The following SYNC variants were observed in gnomAD, a reference collection of about 807,000 sequenced individuals.
The protein encoded by SYNC is syncoilin.
SYNC carries 38 observed loss-of-function variants against 49.5 expected under a neutral mutation model. The observed-to-expected ratio is 0.77, with a 90% CI of 0.59 to 1.01. The LOEUF (loss-of-function observed/expected upper bound fraction) is 1.01. Ranked by LOEUF, SYNC falls within the 50% of genes least tolerant of loss-of-function variation. The pLI is 0.00. For missense variants in SYNC, 579 were observed against 580.6 expected, an observed-to-expected ratio of 1.00 and a Z score of 0.03; for synonymous variants, 201 against 230.8, an observed-to-expected ratio of 0.87 and a Z score of 1.17.
intron 1 of SYNC, among the ~76,000 whole-genome samples, chr1:32,698,247 G>A (rs1428028986): frequency 1.3e-5 from 2 of 150,070 alleles, no homozygotes; most frequent in Non-Finnish European, 3.0e-5. Context: ...TGCCGGGCGT[G>A]GTGGCTCACG....
intron 2 of SYNC, chr1:32,685,613 A>G (rs1191482228): frequency 6.6e-6 from 1 of 152,168 alleles, no homozygotes; most frequent in Non-Finnish European, 1.5e-5. Context: ...GCTTTCACCA[A>G]CATTGTCAAA....
intron 2 of SYNC, among the ~76,000 whole-genome samples, chr1:32,686,417 T>C (rs1649834636): frequency 6.6e-6 from 1 of 152,196 alleles, no homozygotes; most frequent in Non-Finnish European, 1.5e-5. Context: ...CCAGGACATG[T>C]CTGTCTACAG....
In SYNC at chr1:32,681,609, T is replaced by G; in HGVS notation, c.*241A>C. The G allele has an allele frequency of 1.2e-5, 7 of 604,284 alleles. No individual in the cohort carries two copies. Among genetic ancestry groups the G allele is most frequent in the Non-Finnish European group, 1.2e-5 (4 of 341,662 alleles). The allele number at this position is 604,284 out of a possible 1,614,324, so 37.4% of individuals were successfully genotyped here. A position where few individuals can be genotyped will look rare whatever the true frequency, so the allele number is the denominator to read the frequency against. On this transcript the variant is annotated 3_prime_UTR_variant, in exon 5 of 5. Coordinates refer to ENST00000409190, the MANE Select transcript of SYNC (RefSeq NM_030786.3). ...CTCATCTTTCCTTTCCTTGGTGCAT[T>G]GAGATCAGTATCAACAGCAGATGAA...
intron 2 of SYNC, chr1:32,684,594 A>C (rs1649689280): frequency 1.6e-6 from 1 of 625,616 alleles, no homozygotes; most frequent in African/African-American, 1.8e-5. Flanking sequence ...CGAAAAAGGC[A>C]TCTTGTCTGT....
At chr1:32,686,888 C>CA (rs1240338175) in intron 2 of SYNC, among the ~76,000 whole-genome samples, 2 of 152,202 alleles carry the variant, frequency 1.3e-5, no homozygotes, top group African/African-American at 2.4e-5. Flanking sequence ...TAGTGGTTCT[C>CA]AAACTTTTCT....
chr1:32,691,475 C>A, intron 2 of SYNC, among the ~76,000 whole-genome samples: 1 of 151,446 alleles, frequency 6.6e-6, no homozygotes, highest in East Asian at 1.9e-4. Context: ...ATTGCTTGAA[C>A]CTGGGAAGTG....
Position 32,681,687 on chromosome 1 carries a change from T to C in SYNC, c.*163A>G. 2.8e-6 allele frequency: 3 copies of C among 1,083,602 alleles called. No individual in the cohort carries two copies. Among genetic ancestry groups the C allele is most frequent in the Non-Finnish European group, 4.1e-6 (3 of 728,120 alleles). 67.1% of individuals were successfully genotyped at this position (1,083,602 alleles called of 1,614,324 possible). On this transcript the variant is annotated 3_prime_UTR_variant, in exon 5 of 5. Transcript: ENST00000409190. ...TCTGCCTCCGGCCAACTCTAGAATC[T>C]TTTTAAGCAGGTCAGCCAGTATTTG...
At chr1:32,690,335 T>C (rs1650099174) in intron 2 of SYNC, among the ~76,000 whole-genome samples, 3 of 152,174 alleles carry the variant, frequency 2.0e-5, no homozygotes, top group Non-Finnish European at 4.4e-5. Flanking sequence ...TTCTAATTAT[T>C]CTCCATTGCT....
chr1:32,696,072 G>A (rs1320692613), intron 1 of SYNC, 28 bp from the exon 2 acceptor site: 1 of 1,520,028 alleles, frequency 6.6e-7, no homozygotes, highest in Non-Finnish European at 8.8e-7. Flanking sequence ...GAAAGTGAAA[G>A]GGCAGCCACA....
At chr1:32,694,184 T>C (rs1443880146) in intron 2 of SYNC, among the ~76,000 whole-genome samples, 1 of 151,924 alleles carries the variant, frequency 6.6e-6, no homozygotes, top group Non-Finnish European at 1.5e-5. Flanking sequence ...GCCCTCAAGA[T>C]TGCACCTGTC....
chr1:32,703,555 G>T (rs1650748755), upstream of SYNC: 1 of 152,274 alleles, frequency 6.6e-6, no homozygotes, highest in Non-Finnish European at 1.5e-5. Context: ...CCAGACCTGG[G>T]CTTCAGGCGT....
intron 2 of SYNC, among the ~76,000 whole-genome samples, chr1:32,686,473 A>C (rs1159006494): frequency 6.6e-6 from 1 of 152,246 alleles, no homozygotes; most frequent in Non-Finnish European, 1.5e-5. Context: ...TTAATTTTCT[A>C]CATAGGACAA....
At position 32,684,249 on chromosome 1, in the gene SYNC, G is replaced by C; in HGVS notation, c.1358+9C>G. ...ATTAGATGAGATTTGTATAGCAGCA[G>C]AAACTGACTTATAAGTAGAGAGCTC... On this transcript the variant is annotated intron_variant, in intron 3 of 4. Transcript: ENST00000409190. 6.2e-7 allele frequency: 1 copy of C among 1,614,184 alleles called. No homozygotes were observed. The highest frequency in any genetic ancestry group is 1.1e-5 in the South Asian group (1 of 91,080).
At chr1:32,682,345 C>G (rs1179661340) in intron 4 of SYNC, 1 of 153,596 alleles carries the variant, frequency 6.5e-6, no homozygotes, top group Non-Finnish European at 1.4e-5. Flanking sequence ...TGTTTGAACC[C>G]AGGAGGCAGA....
intron 2 of SYNC, among the ~76,000 whole-genome samples, chr1:32,690,011 G>A (rs1650085431): frequency 6.6e-6 from 1 of 150,534 alleles, no homozygotes; most frequent in South Asian, 2.1e-4. Flanking sequence ...ATTTCAGAAA[G>A]AAAAATTAGG....
At chr1:32,681,912 A>G in intron 4 of SYNC, 52 bp from the exon 5 acceptor site, 1 of 1,503,208 alleles carries the variant, frequency 6.7e-7, no homozygotes, top group Non-Finnish European at 9.3e-7. Flanking sequence ...AGGTTTAGTT[A>G]CTGCAGGCTT....
intron 4 of SYNC, chr1:32,683,800 T>G: frequency 1.9e-6 from 1 of 528,358 alleles, no homozygotes; most frequent in Non-Finnish European, 3.4e-6. Flanking sequence ...GCCCGGCTAA[T>G]TTTTGTATTT....
intron 2 of SYNC, among the ~76,000 whole-genome samples, chr1:32,687,544 G>A (rs572124719): frequency 2.0e-5 from 3 of 151,406 alleles, no homozygotes; most frequent in East Asian, 3.9e-4. Flanking sequence ...GGTGGCACAC[G>A]CCTGTAGTCC....
At chr1:32,692,163 CAGAGCTTGCAGTG>C (rs1407639828) in intron 2 of SYNC, among the ~76,000 whole-genome samples, 1 of 151,896 alleles carries the variant, frequency 6.6e-6, no homozygotes, top group African/African-American at 2.4e-5. Flanking sequence ...ACCCGGGAGG[CAGAGCTTGCAGTG>C]AGCTGAGCGC....
Sources: gnomAD v4.1 joint callset for allele counts (sites outside exome capture counted in the v4.1 genomes callset) on GRCh38, gnomAD v4.1.1 for gene constraint, MANE v1.5 for transcripts, NCBI Gene and HGNC (gene_info 2026-07-23, HGNC 2026-07-21) for gene names.